Variants in CTNND2 observed in about 807,000 individuals in gnomAD.
The protein encoded by CTNND2 is catenin delta 2, also known as catenin delta-2.
In CTNND2, 22 loss-of-function variants were observed where a neutral mutation model predicts 144.4. That is an observed-to-expected ratio of 0.15 (90% CI 0.11 to 0.22). CTNND2 has a LOEUF of 0.22. Ranked by LOEUF, CTNND2 falls within the 10% of genes least tolerant of loss-of-function variation. The pLI, the probability that CTNND2 is intolerant of heterozygous loss-of-function variation, is 1.00. For missense variants in CTNND2, 1,353 were observed against 1,618.8 expected, an observed-to-expected ratio of 0.84 and a Z score of 2.82; for synonymous variants, 751 against 695.6, an observed-to-expected ratio of 1.08 and a Z score of -1.25.
intron 1 of CTNND2, among the ~76,000 whole-genome samples, chr5:11,813,279 C>T (rs1171461359): frequency 2.6e-5 from 4 of 152,104 alleles, no homozygotes; most frequent in East Asian, 3.9e-4. Context: ...CCGCAATATT[C>T]GCATAACGAC....
At position 11,903,083 on chromosome 5, in the gene CTNND2, A is replaced by G. The variant is rs995455524; in HGVS notation, c.37+734T>C. On this transcript the variant is annotated intron_variant, in intron 1 of 21. Coordinates refer to ENST00000304623, the MANE Select transcript of CTNND2 (RefSeq NM_001332.4). The surrounding 1 kb of genome is among the most constrained non-coding windows in gnomAD (Gnocchi z 5.4). ...ATAAGATGAGGGTCGGGAAAAAAAG[A>G]AAAAAGCAGCTTCGCTTTCAGCCAT... 9.7e-6 allele frequency: 6 copies of G among 621,642 alleles called. No individual in the cohort carries two copies. Among genetic ancestry groups the G allele is most frequent in the African/African-American group, 2.0e-5 (1 of 50,090 alleles). The allele number at this position is 621,642 out of a possible 1,614,324, so 38.5% of individuals were successfully genotyped here. A position where few individuals can be genotyped will look rare whatever the true frequency, so the allele number is the denominator to read the frequency against.
In CTNND2 at chr5:11,583,643, C is replaced by T. The variant is rs530620521; in HGVS notation, c.175-18587G>A. On this transcript the variant is annotated intron_variant, in intron 2 of 21. Transcript: ENST00000304623. Reference sequence around the variant, plus strand: ...TATTATGGGTAAATAATCAAGAGCACACTGGATGTGCAAAATAATTTTATT... The same window carrying T: ...TATTATGGGTAAATAATCAAGAGCATACTGGATGTGCAAAATAATTTTATT... Among the ~76,000 whole-genome samples, 6 of 152,296 alleles carry T rather than the reference C, an allele frequency of 3.9e-5. No homozygotes were observed. In the South Asian group the frequency reaches 1.2e-3, roughly 32 times the overall value.
rs1566622 is a variant in CTNND2, at chr5:10,973,615, G to A, written c.3516C>T (p.Phe1172=). 145,732 of 1,613,890 alleles carry A rather than the reference G, an allele frequency of 0.09. 7,097 individuals carry two copies. The highest frequency in any genetic ancestry group is 0.17 in the East Asian group (7,613 of 44,850). ...NSTRNYDESF[F]EDQVHHRPPA... ...GAGGGCGATGGTGGACCTGGTCCTC[G>A]AAGAAGGACTCATCGTAATTTCTTG... Residue 1172 remains phenylalanine, a synonymous_variant, in exon 22 of 22, where the codon TTC becomes TTT. Coordinates refer to ENST00000304623, the MANE Select transcript of CTNND2 (RefSeq NM_001332.4). The surrounding 1 kb of genome is among the most constrained non-coding windows in gnomAD (Gnocchi z 5.6).
At chr5:11,386,306 G>A (rs1759085763) in intron 6 of CTNND2, among the ~76,000 whole-genome samples, 1 of 152,114 alleles carries the variant, frequency 6.6e-6, no homozygotes, top group Non-Finnish European at 1.5e-5. Context: ...TTGAAATGAG[G>A]GATGAGAGGT....
At chr5:11,083,785 C>T in intron 15 of CTNND2, 1 of 561,754 alleles carries the variant, frequency 1.8e-6, no homozygotes, top group Non-Finnish European at 2.4e-6. Flanking sequence ...TGGTAGGGTC[C>T]TCCTGGGGAC....
Position 11,098,608 on chromosome 5 carries a change from G to C in CTNND2, c.2604C>G (p.Gly868=). The change falls in exon 15 of 22, where the codon GGC becomes GGG. Residue 868 remains glycine, a synonymous_variant. Coordinates refer to ENST00000304623, the MANE Select transcript of CTNND2 (RefSeq NM_001332.4). ...TCCCTGCAGCCAAGTTCTGCAGGGC[G>C]CCTGCCGCCCCTTCCAGCGTGTCTG... ...SNPDTLEGAA[G]ALQNLAAGSW... is the part of the protein sequence containing the mutation. The C allele has an allele frequency of 6.2e-7, 1 of 1,614,050 alleles. No homozygotes were observed. The highest frequency in any genetic ancestry group is 8.5e-7 in the Non-Finnish European group (1 of 1,179,990).
In CTNND2 at chr5:11,384,312, T is replaced by C. The variant is rs562869744; in HGVS notation, c.1177+353A>G. The stretch of plus-strand genomic sequence containing the variant: ...TCAATACTGCAACTGTTACTTGTTT[T>C]GCTTTTTTTCTGGATACCATCAACA... On this transcript the variant is annotated intron_variant, in intron 7 of 21. Coordinates refer to ENST00000304623, the MANE Select transcript of CTNND2 (RefSeq NM_001332.4). This position sits in a 1 kb window ranked among gnomAD's most constrained non-coding sequence, Gnocchi z 5.2. Among the ~76,000 whole-genome samples the C allele has an allele frequency of 9.8e-4, 150 of 152,338 alleles. No homozygotes were observed. The highest frequency in any genetic ancestry group is 3.5e-3 in the African/African-American group (147 of 41,570).
intron 3 of CTNND2, among the ~76,000 whole-genome samples, chr5:11,429,797 G>A (rs73046145): frequency 0.049 from 7,408 of 151,950 alleles, 597 homozygotes; most frequent in African/African-American, 0.17. Flanking sequence ...GCGGGTTCTC[G>A]CACCCCTCAA....
At chr5:11,113,582 G>A (rs1243359812) in intron 13 of CTNND2, among the ~76,000 whole-genome samples, 1 of 152,106 alleles carries the variant, frequency 6.6e-6, no homozygotes, top group African/African-American at 2.4e-5. Flanking sequence ...ATTTTAGAAG[G>A]GGTGAAACAA....
intron 3 of CTNND2, among the ~76,000 whole-genome samples, chr5:11,460,514 T>C (rs1267672759): frequency 6.6e-6 from 1 of 152,228 alleles, no homozygotes; most frequent in Non-Finnish European, 1.5e-5. Flanking sequence ...TACTGTTCTC[T>C]ACTATGCTGT....
intron 1 of CTNND2, among the ~76,000 whole-genome samples, chr5:11,883,075 A>G (rs1428317037): frequency 6.6e-6 from 1 of 152,090 alleles, no homozygotes; most frequent in Non-Finnish European, 1.5e-5. Context: ...AGCTATTGCA[A>G]ATGGGATTAC....
intron 2 of CTNND2, among the ~76,000 whole-genome samples, chr5:11,623,808 G>GTATATATA (rs58954001): frequency 2.1e-3 from 87 of 40,660 alleles, no homozygotes; most frequent in East Asian, 3.3e-3. Context: ...ATGTGTGTAT[G>GTATATATA]TATATATATA....
intron 10 of CTNND2, among the ~76,000 whole-genome samples, chr5:11,228,081 C>A (rs575360496): frequency 6.6e-6 from 1 of 151,666 alleles, no homozygotes; most frequent in Non-Finnish European, 1.5e-5. Flanking sequence ...ATGGTTCATG[C>A]CTGTAATCCC....
intron 18 of CTNND2, among the ~76,000 whole-genome samples, chr5:11,003,071 G>A (rs985512259): frequency 2.0e-5 from 3 of 149,330 alleles, no homozygotes; most frequent in Non-Finnish European, 3.0e-5. Flanking sequence ...GCCTCTAAGC[G>A]AGGATTCCTC....
rs746965955 is a variant in CTNND2, at chr5:11,159,594, T to C, written c.2141A>G (p.Asn714Ser). The part of the protein sequence containing the change: ...IQLHSSQVLR[N>S]ATGCLRNVSS... ...GACTGACCTTAGGCACCCGGTGGCG[T>C]TACGCAGCACCTGTGATGAATGCAG... The change falls in exon 12 of 22, where the codon AAC (asparagine) becomes AGC (serine). Residue 714 changes from asparagine to serine, a missense_variant. Physicochemically the swap from Asn to Ser is conservative, Grantham distance 46. Transcript: ENST00000304623. 1 of 1,611,856 alleles carries C rather than the reference T, an allele frequency of 6.2e-7. No homozygotes were observed. The highest frequency in any genetic ancestry group is 1.7e-5 in the Admixed American group (1 of 59,720).
chr5:11,396,050 A>G (rs551229274), intron 6 of CTNND2, among the ~76,000 whole-genome samples: 3,181 of 152,308 alleles, frequency 0.021, 115 homozygotes, highest in African/African-American at 0.072. Context: ...CTCGGGGGTT[A>G]CAGAGCCAGT....
chr5:11,411,494 T>C (rs750385887), intron 5 of CTNND2, 42 bp downstream of exon 5: 2 of 953,358 alleles, frequency 2.1e-6, no homozygotes, highest in Admixed American at 1.8e-5. Flanking sequence ...ATAATACTCC[T>C]ATATTTCAAC....
At chr5:11,484,926 T>C (rs1168579697) in intron 3 of CTNND2, among the ~76,000 whole-genome samples, 1 of 152,010 alleles carries the variant, frequency 6.6e-6, no homozygotes, top group East Asian at 1.9e-4. Flanking sequence ...CTAAAAGAGG[T>C]GAAAGTATGA....
intron 1 of CTNND2, among the ~76,000 whole-genome samples, chr5:11,780,528 G>T (rs918320868): frequency 2.0e-5 from 3 of 152,122 alleles, no homozygotes; most frequent in African/African-American, 7.2e-5. Flanking sequence ...GGCTATGGGG[G>T]ACATGTTGAA....
Sources: gnomAD v4.1 joint callset for allele counts (sites outside exome capture counted in the v4.1 genomes callset) on GRCh38, gnomAD v4.1.1 for gene constraint, Gnocchi (gnomAD v3.1) non-coding constraint, MANE v1.5 for transcripts, NCBI Gene and HGNC (gene_info 2026-07-23, HGNC 2026-07-21) for gene names.